XYLT1: variants seen among roughly 807,000 people sequenced by gnomAD.
XYLT1 encodes xylosyltransferase 1.
In XYLT1, 36 loss-of-function variants were observed where a neutral mutation model predicts 91.3. The observed-to-expected ratio is 0.39, with a 90% confidence interval of 0.30 to 0.52. The LOEUF is 0.52. Ranked by LOEUF, XYLT1 falls within the 20% of genes least tolerant of loss-of-function variation. XYLT1 has a pLI of 0.68. For synonymous variants in XYLT1, 588 were observed against 532.0 expected (o/e 1.11, Z -1.45); for missense variants, 1,242 against 1,284.5 (o/e 0.97, Z 0.51).
chr16:17,182,818 G>A (rs2032100685), intron 5 of XYLT1, among the ~76,000 whole-genome samples: 1 of 152,086 alleles, frequency 6.6e-6, no homozygotes, highest in African/African-American at 2.4e-5. Flanking sequence ...GATATGGAGA[G>A]TCTGAGGTCC....
chr16:17,255,879 G>T (rs1484312840), intron 3 of XYLT1, among the ~76,000 whole-genome samples: 1 of 152,050 alleles, frequency 6.6e-6, no homozygotes. Flanking sequence ...GAGGTGGCAG[G>T]CACCTGTAAT....
intron 1 of XYLT1, among the ~76,000 whole-genome samples, chr16:17,373,227 T>C (rs930914574): frequency 6.6e-6 from 1 of 152,116 alleles, no homozygotes; most frequent in Non-Finnish European, 1.5e-5. Context: ...CAGTCCAGCT[T>C]CTCAGATCCC....
intron 1 of XYLT1, among the ~76,000 whole-genome samples, chr16:17,461,834 T>C (rs552813527): frequency 6.6e-6 from 1 of 152,252 alleles, no homozygotes; most frequent in Non-Finnish European, 1.5e-5. Context: ...TTAATTTTCA[T>C]CCAACTTATT....
At chr16:17,317,612 G>T (rs4782007) in intron 2 of XYLT1, among the ~76,000 whole-genome samples, 1 of 137,782 alleles carries the variant, frequency 7.3e-6, no homozygotes, top group Admixed American at 7.5e-5. Context: ...CCTGGGCCAC[G>T]GTGGGAGACG....
intron 2 of XYLT1, among the ~76,000 whole-genome samples, chr16:17,356,669 G>A (rs2035299078): frequency 6.6e-6 from 1 of 152,088 alleles, no homozygotes; most frequent in African/African-American, 2.4e-5. Flanking sequence ...CCTTGAAATC[G>A]CTGAGCTGTC....
chr16:17,226,609 G>A (rs552397390), intron 3 of XYLT1, among the ~76,000 whole-genome samples: 1 of 152,258 alleles, frequency 6.6e-6, no homozygotes, highest in East Asian at 1.9e-4. Flanking sequence ...CCAACGTGGC[G>A]AAACCCTGTC....
chr16:17,459,293 G>T (rs1303426426), intron 1 of XYLT1, among the ~76,000 whole-genome samples: 1 of 152,194 alleles, frequency 6.6e-6, no homozygotes, highest in East Asian at 1.9e-4. Context: ...GACTGCTTGA[G>T]CCTGCGAGGT....
At chr16:17,365,957 C>A (rs941538758) in intron 1 of XYLT1, among the ~76,000 whole-genome samples, 1 of 151,804 alleles carries the variant, frequency 6.6e-6, no homozygotes, top group African/African-American at 2.4e-5. Context: ...CTTAGAATTA[C>A]AAGGTTTTGA....
At chr16:17,426,878 T>G (rs2036325220) in intron 1 of XYLT1, among the ~76,000 whole-genome samples, 1 of 152,056 alleles carries the variant, frequency 6.6e-6, no homozygotes, top group African/African-American at 2.4e-5. Flanking sequence ...AAAGATGACA[T>G]TTGAGTGAAG....
At chr16:17,448,704 AGGGGGG>A (rs2036625409) in intron 1 of XYLT1, among the ~76,000 whole-genome samples, 3 of 81,726 alleles carry the variant, frequency 3.7e-5, no homozygotes, top group African/African-American at 1.4e-4. Flanking sequence ...GAGGAGGAAG[AGGGGGG>A]AGGAGGAAGA....
At chr16:17,184,010 T>G (rs764849102) in intron 5 of XYLT1, among the ~76,000 whole-genome samples, 4 of 151,994 alleles carry the variant, frequency 2.6e-5, no homozygotes, top group Non-Finnish European at 4.4e-5. Context: ...AATCTTCACC[T>G]GCAGTTAGAT....
At chr16:17,186,644 C>T (rs56299898) in intron 5 of XYLT1, among the ~76,000 whole-genome samples, 35,973 of 151,786 alleles carry the variant, frequency 0.24, 5,015 homozygotes, top group African/African-American at 0.39. Context: ...TGATTTGACC[C>T]GGCTGAGAAG....
intron 5 of XYLT1, among the ~76,000 whole-genome samples, chr16:17,171,481 T>C (rs991470815): frequency 1.3e-5 from 2 of 152,232 alleles, no homozygotes; most frequent in African/African-American, 4.8e-5. Flanking sequence ...AGAGATCGAT[T>C]CTGGAGGATC....
In XYLT1 at chr16:17,333,455, T is replaced by A. The variant is rs550770863; in HGVS notation, c.402+24557A>T. Among the ~76,000 whole-genome samples, 11 of 152,248 alleles carry A rather than the reference T, an allele frequency of 7.2e-5. No individual in the cohort carries two copies. The South Asian group carries it at 2.3e-3, about 32-fold the overall frequency. On this transcript the variant is annotated intron_variant, in intron 2 of 11. Coordinates refer to ENST00000261381, the MANE Select transcript of XYLT1 (RefSeq NM_022166.4). ...AACCCTGTGTGGCTGGTGGCTACCA[T>A]ATGGGACAGCACAGATCTGGAGCTA...
chr16:17,158,054 G>A (rs1008029464), intron 6 of XYLT1, among the ~76,000 whole-genome samples: 7 of 152,072 alleles, frequency 4.6e-5, no homozygotes, highest in African/African-American at 1.7e-4. Context: ...GCCTTTAATG[G>A]TATTTTCTAT....
chr16:17,188,283 C>A (rs1352683237), intron 5 of XYLT1, among the ~76,000 whole-genome samples: 1 of 152,128 alleles, frequency 6.6e-6, no homozygotes, highest in East Asian at 1.9e-4. Flanking sequence ...CTCAATGTGG[C>A]AAATATTGTC....
chr16:17,165,515 T>C (rs1010913104), intron 5 of XYLT1, among the ~76,000 whole-genome samples: 6 of 144,364 alleles, frequency 4.2e-5, no homozygotes, highest in Non-Finnish European at 3.0e-5. Flanking sequence ...TGAAACCTGG[T>C]CTCTACTAAA....
intron 10 of XYLT1, among the ~76,000 whole-genome samples, chr16:17,119,947 T>C (rs2029987727): frequency 6.6e-6 from 1 of 152,204 alleles, no homozygotes; most frequent in Admixed American, 6.5e-5. Context: ...CTCACTGGCA[T>C]GTGTCTTGCT....
At chr16:17,302,694 A>G (rs2034414631) in intron 2 of XYLT1, among the ~76,000 whole-genome samples, 2 of 152,112 alleles carry the variant, frequency 1.3e-5, no homozygotes, top group Admixed American at 1.3e-4. Flanking sequence ...TTGCAGTCTT[A>G]TTTTGTTTAG....
Sources: gnomAD v4.1 joint callset for allele counts (sites outside exome capture counted in the v4.1 genomes callset) on GRCh38, gnomAD v4.1.1 for gene constraint, MANE v1.5 for transcripts, NCBI Gene and HGNC (gene_info 2026-07-23, HGNC 2026-07-21) for gene names.